The following GALNT17 variants were observed in gnomAD, a reference collection of about 807,000 sequenced individuals.
GALNT17 encodes the protein UDP-GalNAc:polypeptide N-acetylgalactosaminyltransferase-like 3.
Under a neutral mutation model 63.7 loss-of-function variants are expected in GALNT17, and 29 were observed. The ratio of observed to expected loss-of-function variants is 0.46; its 90% CI spans 0.34 to 0.62. GALNT17 has a LOEUF of 0.62. GALNT17 is among the 20% of genes least tolerant of loss of function. The pLI is 0.01. For missense variants in GALNT17, 603 were observed against 799.6 expected, an observed-to-expected ratio of 0.75 and a Z score of 2.97; for synonymous variants, 305 against 318.3, an observed-to-expected ratio of 0.96 and a Z score of 0.45.
At chr7:71,477,559 G>A (rs1401510515) in intron 5 of GALNT17, among the ~76,000 whole-genome samples, 1 of 152,122 alleles carries the variant, frequency 6.6e-6, no homozygotes, top group African/African-American at 2.4e-5. Context: ...ACCTAGAGCC[G>A]GGCATAGTGA....
At chr7:71,361,377 T>C (rs1045593982) in intron 2 of GALNT17, among the ~76,000 whole-genome samples, 1 of 152,244 alleles carries the variant, frequency 6.6e-6, no homozygotes, top group African/African-American at 2.4e-5. Context: ...GTTTTAGCAC[T>C]TGAAACCCAG....
At chr7:71,508,214 C>A (rs563563760) in intron 5 of GALNT17, among the ~76,000 whole-genome samples, 1 of 152,116 alleles carries the variant, frequency 6.6e-6, no homozygotes, top group Non-Finnish European at 1.5e-5. Flanking sequence ...GGTCTCCAGG[C>A]GAGGCAAGAA....
intron 9 of GALNT17, among the ~76,000 whole-genome samples, chr7:71,700,196 T>C (rs1360250071): frequency 6.6e-6 from 1 of 151,586 alleles, no homozygotes; most frequent in Non-Finnish European, 1.5e-5. Context: ...TAGTCCCAGA[T>C]ACTCAGGAGG....
At chr7:71,539,896 GA>G (rs1788860248) in intron 5 of GALNT17, among the ~76,000 whole-genome samples, 1 of 150,638 alleles carries the variant, frequency 6.6e-6, no homozygotes, top group African/African-American at 2.4e-5. Context: ...CAAGTAGCTG[GA>G]ACTTTCTGCC....
chr7:71,447,208 T>C (rs529375318), intron 5 of GALNT17, among the ~76,000 whole-genome samples: 8 of 152,308 alleles, frequency 5.3e-5, no homozygotes, highest in African/African-American at 1.9e-4. Flanking sequence ...GTCATAAATA[T>C]CAGGTCTCCA....
At chr7:71,681,082 G>T (rs1418460165) in intron 9 of GALNT17, among the ~76,000 whole-genome samples, 2 of 151,962 alleles carry the variant, frequency 1.3e-5, no homozygotes, top group Non-Finnish European at 2.9e-5. Context: ...CCATTTTTTT[G>T]TAGACATAGA....
At chr7:71,378,023 T>TA (rs1792777543) in intron 2 of GALNT17, among the ~76,000 whole-genome samples, 1 of 152,196 alleles carries the variant, frequency 6.6e-6, no homozygotes, top group Non-Finnish European at 1.5e-5. Context: ...ATTCAATTTC[T>TA]AGGAGTTTTG....
chr7:71,197,289 T>C (rs1279784188), intron 1 of GALNT17, among the ~76,000 whole-genome samples: 2 of 136,166 alleles, frequency 1.5e-5, no homozygotes, highest in Admixed American at 1.7e-4. Flanking sequence ...AAACTCCGCC[T>C]CCTGGTTTCA....
At chr7:71,141,922 C>T (rs1463218572) in intron 1 of GALNT17, among the ~76,000 whole-genome samples, 1 of 145,584 alleles carries the variant, frequency 6.9e-6, no homozygotes, top group East Asian at 2.0e-4. Flanking sequence ...CCATATTGAC[C>T]AGCCTGGTCT....
chr7:71,683,999 ACT>A (rs56810225), intron 9 of GALNT17, among the ~76,000 whole-genome samples: 110 of 112,776 alleles, frequency 9.8e-4, no homozygotes, highest in African/African-American at 3.6e-3. Context: ...ACAGAGCAAC[ACT>A]CTGTCTCAAA....
intron 5 of GALNT17, among the ~76,000 whole-genome samples, chr7:71,555,853 G>A (rs948978678): frequency 6.6e-6 from 1 of 152,222 alleles, no homozygotes; most frequent in Non-Finnish European, 1.5e-5. Flanking sequence ...TTGGAATTTA[G>A]CAAATGCTTT....
chr7:71,562,212 G>T (rs1188250075), intron 5 of GALNT17, among the ~76,000 whole-genome samples: 1 of 151,964 alleles, frequency 6.6e-6, no homozygotes, highest in East Asian at 1.9e-4. Context: ...CAATCCTCTA[G>T]CCTTGGCCTC....
chr7:71,225,519 C>T lies in GALNT17; in HGVS notation c.238+92479C>T, dbSNP rs557596838. On this transcript the variant is annotated intron_variant, in intron 1 of 10. Coordinates refer to ENST00000333538, the MANE Select transcript of GALNT17 (RefSeq NM_022479.3). ...CCTCAGGCCTTCTGTTAGTGAGAAACGCCAATTAAGTTCAGTGAATAAATT... is the reference window on the plus strand; with the variant it reads ...CCTCAGGCCTTCTGTTAGTGAGAAATGCCAATTAAGTTCAGTGAATAAATT... Among the ~76,000 whole-genome samples the T allele has an allele frequency of 9.9e-5, 15 of 152,274 alleles. No homozygotes were observed. In the South Asian group the frequency reaches 2.3e-3, roughly 23 times the overall value.
At chr7:71,166,873 C>A (rs561020301) in intron 1 of GALNT17, among the ~76,000 whole-genome samples, 3 of 151,784 alleles carry the variant, frequency 2.0e-5, no homozygotes, top group Admixed American at 2.0e-4. Flanking sequence ...ATGGCTAGAT[C>A]TTTTAGTAAG....
At chr7:71,547,309 C>A (rs1789002371) in intron 5 of GALNT17, among the ~76,000 whole-genome samples, 1 of 152,054 alleles carries the variant, frequency 6.6e-6, no homozygotes, top group Non-Finnish European at 1.5e-5. Flanking sequence ...GGATTACAGG[C>A]CCCTGTCACC....
chr7:71,348,375 T>A (rs377282674), intron 2 of GALNT17, among the ~76,000 whole-genome samples: 26 of 152,296 alleles, frequency 1.7e-4, no homozygotes, highest in African/African-American at 6.3e-4. Flanking sequence ...GTTAATTAGA[T>A]CTTTTCTTGG....
rs1787690410 is a variant in GALNT17 at position 71,132,183 on chromosome 7, TC to T, written c.-616del. The T allele has an allele frequency of 6.6e-6, 1 of 152,482 alleles. No individual in the cohort carries two copies. The highest frequency in any genetic ancestry group is 6.5e-5 in the Admixed American group (1 of 15,278). The allele number at this position is 152,482 out of a possible 1,614,324, so 9.4% of individuals were successfully genotyped here. A position where few individuals can be genotyped will look rare whatever the true frequency, so the allele number is the denominator to read the frequency against. ...ACTGCGGAGCCTGGAGGATGCGGGC[TC>T]CCCGAGCGGGCTTCCCCTCTGCCCG... On this transcript the variant is annotated 5_prime_UTR_variant, in exon 1 of 11. It removes the in-frame stop codon of an upstream open reading frame in the 5' UTR. Transcript: ENST00000333538.
chr7:71,149,453 G>A (rs1041056181), intron 1 of GALNT17, among the ~76,000 whole-genome samples: 2 of 152,054 alleles, frequency 1.3e-5, no homozygotes, highest in African/African-American at 4.8e-5. Context: ...TCGGTTGGTG[G>A]CTGGGTCCAG....
At chr7:71,183,913 A>G (rs973595047) in intron 1 of GALNT17, among the ~76,000 whole-genome samples, 5 of 152,154 alleles carry the variant, frequency 3.3e-5, no homozygotes, top group African/African-American at 1.2e-4. Flanking sequence ...TCAACACACA[A>G]AGCAGCAGCA....
Sources: allele counts gnomAD v4.1 joint callset (sites outside exome capture counted in the v4.1 genomes callset), GRCh38; gene constraint gnomAD v4.1.1; transcripts MANE v1.5; gene names NCBI Gene and HGNC (gene_info 2026-07-23, HGNC 2026-07-21).